Variants in TPPP observed in about 807,000 individuals in gnomAD.
TPPP encodes the protein tubulin polymerization-promoting protein.
In TPPP, 6 loss-of-function variants were observed where a neutral mutation model predicts 15.5. The observed-to-expected ratio is 0.39, with a 90% CI of 0.21 to 0.77. The LOEUF (loss-of-function observed/expected upper bound fraction) is 0.77. Among genes scored for constraint, TPPP ranks in the 30% least tolerant of loss-of-function variants. The pLI, the probability that TPPP is intolerant of heterozygous loss-of-function variation, is 0.42. For synonymous variants in TPPP, 146 were observed against 133.9 expected, an observed-to-expected ratio of 1.09 and a Z score of -0.63; for missense variants, 269 against 307.2, an observed-to-expected ratio of 0.88 and a Z score of 0.93.
chr5:697,011 C>T (rs1741025634), upstream of TPPP, among the ~76,000 whole-genome samples: 1 of 140,524 alleles, frequency 7.1e-6, no homozygotes, highest in South Asian at 2.4e-4. Flanking sequence ...CCTGCGTGTG[C>T]CTGTGTGTGC....
At chr5:678,755 G>A (rs1264580879) in intron 1 of TPPP, among the ~76,000 whole-genome samples, 1 of 152,168 alleles carries the variant, frequency 6.6e-6, no homozygotes, top group Non-Finnish European at 1.5e-5. Flanking sequence ...CGGTGTCAGG[G>A]CGCAGGGACG....
intron 1 of TPPP, among the ~76,000 whole-genome samples, chr5:685,855 G>A (rs1424570675): frequency 6.6e-6 from 1 of 152,102 alleles, no homozygotes; most frequent in African/African-American, 2.4e-5. Context: ...CCCTCTGAGT[G>A]GGAGACTCAG....
At chr5:693,256 A>G (rs1740941853) in intron 1 of TPPP, 22 bp downstream of exon 1, 1 of 144,576 alleles carries the variant, frequency 6.9e-6, no homozygotes, top group Admixed American at 6.9e-5. Flanking sequence ...CGCCCGCGGG[A>G]CCGAGCCCCG....
chr5:663,233 A>G lies in TPPP; in HGVS notation c.*1869T>C, dbSNP rs1739746955. Reference sequence around the variant, plus strand: ...CTGTGATCGGGTGATTCCGAACCGCACATTCAGAGTTGTTTTCAAATGTTT... The same window carrying G: ...CTGTGATCGGGTGATTCCGAACCGCGCATTCAGAGTTGTTTTCAAATGTTT... On this transcript the variant is annotated 3_prime_UTR_variant, in exon 4 of 4. Transcript: ENST00000360578. 1 of 152,008 alleles carries G rather than the reference A, an allele frequency of 6.6e-6. No homozygotes were observed. The highest frequency in any genetic ancestry group is 1.9e-4 in the East Asian group (1 of 5,326). 9.4% of individuals were successfully genotyped at this position (152,008 alleles called of 1,614,324 possible). A position where few individuals can be genotyped will look rare whatever the true frequency, so the allele number is the denominator to read the frequency against.
chr5:682,753 G>A (rs1397985644), intron 1 of TPPP, among the ~76,000 whole-genome samples: 10 of 152,332 alleles, frequency 6.6e-5, no homozygotes, highest in African/African-American at 1.4e-4. Context: ...CCACGCCCAC[G>A]CGGGGGTGGC....
chr5:678,871 C>T (rs148087020), intron 1 of TPPP, among the ~76,000 whole-genome samples: 3,624 of 152,250 alleles, frequency 0.024, 78 homozygotes, highest in African/African-American at 0.06. Context: ...CGCAGGGCTA[C>T]GCCACAGGGC....
At chr5:671,872 G>A (rs1019232141) in intron 2 of TPPP, among the ~76,000 whole-genome samples, 1 of 152,228 alleles carries the variant, frequency 6.6e-6, no homozygotes, top group African/African-American at 2.4e-5. Context: ...TGGGTGTGGG[G>A]AGTGCAGCCC....
intron 2 of TPPP, among the ~76,000 whole-genome samples, chr5:668,191 G>C (rs77670109): frequency 4.1e-4 from 40 of 97,332 alleles, no homozygotes; most frequent in African/African-American, 8.5e-4. Flanking sequence ...CCGCGTGGGC[G>C]CCGTCAGGGA....
Position 662,877 on chromosome 5 carries a change from G to T in TPPP, c.*2225C>A, listed in dbSNP as rs1362016843. On this transcript the variant is annotated 3_prime_UTR_variant, in exon 4 of 4. Transcript: ENST00000360578. ...CCGGTGGCCACTCGTCTGTGATCGG[G>T]TGATTCCGATGACTGCTCGTCTGTG... is the stretch of plus-strand genomic sequence containing the variant. The T allele has an allele frequency of 6.9e-6, 1 of 143,904 alleles. No homozygotes were observed. Among genetic ancestry groups the T allele is most frequent in the African/African-American group, 2.7e-5 (1 of 36,568 alleles). 8.9% of individuals were successfully genotyped at this position (143,904 alleles called of 1,614,324 possible).
chr5:681,073 C>T (rs1421985305), intron 1 of TPPP, among the ~76,000 whole-genome samples: 4 of 152,208 alleles, frequency 2.6e-5, no homozygotes, highest in Admixed American at 1.3e-4. Context: ...AGACGGACAA[C>T]GAGCCTGGGT....
intron 1 of TPPP, among the ~76,000 whole-genome samples, chr5:683,920 C>T (rs185799174): frequency 1.3e-5 from 2 of 152,356 alleles, no homozygotes; most frequent in African/African-American, 4.8e-5. Context: ...CTGGGCTCTT[C>T]AGAACCTTTA....
chr5:698,318 A>G (rs56298737), upstream of TPPP, among the ~76,000 whole-genome samples: 18,031 of 151,402 alleles, frequency 0.12, 1,398 homozygotes, highest in Non-Finnish European at 0.17. Context: ...GGCCAGAGCA[A>G]TCAGGCAAGA....
At chr5:686,734 GAA>G (rs1299061446) in intron 1 of TPPP, among the ~76,000 whole-genome samples, 1 of 147,500 alleles carries the variant, frequency 6.8e-6, no homozygotes, top group Non-Finnish European at 1.5e-5. Flanking sequence ...GACACAGAGA[GAA>G]GAGAAGAAGG....
At position 680,737 on chromosome 5, in the gene TPPP, G is replaced by A. The variant is rs562576699; in HGVS notation, c.-4-2673C>T. On this transcript the variant is annotated intron_variant, in intron 1 of 3. Transcript: ENST00000360578. ...TGGGGTGTGTGCTGAGGGGTCTCACGTGGGGACTCGCCTCAGAGCCCATCT... is the reference window on the plus strand; with the variant it reads ...TGGGGTGTGTGCTGAGGGGTCTCACATGGGGACTCGCCTCAGAGCCCATCT... Among the ~76,000 whole-genome samples the A allele has an allele frequency of 3.9e-5, 6 of 152,116 alleles. No homozygotes were observed. In the Middle Eastern group the frequency reaches 0.01, roughly 260 times the overall value.
At chr5:684,204 C>G (rs987478690) in intron 1 of TPPP, among the ~76,000 whole-genome samples, 2 of 152,246 alleles carry the variant, frequency 1.3e-5, no homozygotes, top group African/African-American at 4.8e-5. Flanking sequence ...GCCCAGTGCT[C>G]CATCATGACC....
At chr5:697,388 G>GCGGGGACA (rs1259396464), upstream of TPPP, among the ~76,000 whole-genome samples, 2 of 150,580 alleles carry the variant, frequency 1.3e-5, no homozygotes, top group Non-Finnish European at 3.0e-5. Context: ...GAAGAAAGAT[G>GCGGGGACA]CGGGGACACG....
intron 2 of TPPP, among the ~76,000 whole-genome samples, chr5:676,793 CGCACGT>C (rs1740449805): frequency 6.6e-6 from 1 of 151,652 alleles, no homozygotes; most frequent in African/African-American, 2.4e-5. Context: ...GACACAGAAA[CGCACGT>C]GCACATGCAG....
At chr5:676,977 A>ACGTG (rs1247365714) in intron 2 of TPPP, among the ~76,000 whole-genome samples, 2 of 118,320 alleles carry the variant, frequency 1.7e-5, no homozygotes, top group African/African-American at 5.2e-5. Flanking sequence ...AGAAACGCAC[A>ACGTG]CACGACGCAG....
chr5:678,128 C>T, intron 1 of TPPP, 64 bp from the exon 2 acceptor site: 1 of 1,432,500 alleles, frequency 7.0e-7, no homozygotes, highest in East Asian at 2.5e-5. Flanking sequence ...CGGGTGCAGC[C>T]CAGGAAACCC....
Sources: gnomAD v4.1 joint callset for allele counts (sites outside exome capture counted in the v4.1 genomes callset) on GRCh38, gnomAD v4.1.1 for gene constraint, MANE v1.5 for transcripts, NCBI Gene and HGNC (gene_info 2026-07-23, HGNC 2026-07-21) for gene names.